The following ZNF385D variants were observed in gnomAD, a reference collection of about 807,000 sequenced individuals.
The protein encoded by ZNF385D is zinc finger protein 385D, also known as zinc finger protein 659.
Under a neutral mutation model 35.8 loss-of-function variants are expected in ZNF385D, and 15 were observed. The observed-to-expected ratio is 0.42, with a 90% CI of 0.28 to 0.64. ZNF385D has a LOEUF of 0.64. ZNF385D is among the 30% of genes least tolerant of loss of function. The probability of loss-of-function intolerance (pLI) is 0.23; values close to 1 mark genes in which losing one functional copy is unlikely to be tolerated. For synonymous variants in ZNF385D, 212 were observed against 186.8 expected (o/e 1.13, Z -1.10); for missense variants, 474 against 494.6 (o/e 0.96, Z 0.39).
chr3:21,498,484 G>T (rs1441815827), intron 4 of ZNF385D, among the ~76,000 whole-genome samples: 2 of 152,062 alleles, frequency 1.3e-5, no homozygotes, highest in African/African-American at 4.8e-5. Context: ...CTGCTATCTA[G>T]AATCTATAAG....
chr3:22,117,607 A>G (rs952742483), intron 3 of ZNF385D, among the ~76,000 whole-genome samples: 2 of 151,950 alleles, frequency 1.3e-5, no homozygotes, highest in Admixed American at 1.3e-4. Context: ...ATATTCTTTT[A>G]ACTTTAAATT....
intron 2 of ZNF385D, among the ~76,000 whole-genome samples, chr3:21,617,907 A>G (rs2064894744): frequency 6.6e-6 from 1 of 152,162 alleles, no homozygotes; most frequent in Non-Finnish European, 1.5e-5. Flanking sequence ...TGTAGCTGAC[A>G]AACCCTTAAA....
At chr3:22,263,883 T>A (rs1043972631) in intron 2 of ZNF385D, among the ~76,000 whole-genome samples, 2 of 151,898 alleles carry the variant, frequency 1.3e-5, no homozygotes, top group African/African-American at 4.8e-5. Flanking sequence ...ATGCAAAAAA[T>A]AATTTACTGA....
intron 2 of ZNF385D, among the ~76,000 whole-genome samples, chr3:22,310,581 C>G (rs1703484201): frequency 1.3e-5 from 2 of 151,866 alleles, no homozygotes; most frequent in South Asian, 4.1e-4. Flanking sequence ...GAATTATTAA[C>G]TCAAATAAAA....
intron 2 of ZNF385D, among the ~76,000 whole-genome samples, chr3:22,188,334 C>T (rs187364188): frequency 6.6e-6 from 1 of 152,250 alleles, no homozygotes; most frequent in African/African-American, 2.4e-5. Flanking sequence ...CGTGCTAAAT[C>T]CTACCTATAA....
chr3:21,901,588 C>G (rs1384097628), intron 3 of ZNF385D, among the ~76,000 whole-genome samples: 1 of 152,150 alleles, frequency 6.6e-6, no homozygotes, highest in Non-Finnish European at 1.5e-5. Flanking sequence ...TTAATCCTCA[C>G]AGCAATCTAA....
intron 3 of ZNF385D, among the ~76,000 whole-genome samples, chr3:21,558,005 T>C (rs752568977): frequency 2.6e-5 from 4 of 152,194 alleles, no homozygotes; most frequent in African/African-American, 9.7e-5. Context: ...GATACCCCTT[T>C]ATCATTTTTT....
intron 2 of ZNF385D, among the ~76,000 whole-genome samples, chr3:21,593,318 C>T (rs2064036220): frequency 6.6e-6 from 1 of 152,140 alleles, no homozygotes; most frequent in East Asian, 1.9e-4. Context: ...GTTATTCTAC[C>T]TCCCAATCCA....
intron 3 of ZNF385D, among the ~76,000 whole-genome samples, chr3:22,105,898 G>C (rs1193522094): frequency 6.6e-6 from 1 of 151,550 alleles, no homozygotes; most frequent in Non-Finnish European, 1.5e-5. Context: ...TAATATAGTA[G>C]TTATTTTTAA....
intron 3 of ZNF385D, among the ~76,000 whole-genome samples, chr3:22,159,413 A>C (rs1163652681): frequency 1.3e-5 from 2 of 148,994 alleles, no homozygotes; most frequent in Non-Finnish European, 2.9e-5. Flanking sequence ...TCTTGGACAG[A>C]GTAACCTATT....
intron 3 of ZNF385D, among the ~76,000 whole-genome samples, chr3:21,804,825 AAT>A (rs1321510452): frequency 1.3e-5 from 2 of 151,136 alleles, no homozygotes; most frequent in African/African-American, 4.9e-5. Context: ...AAGGCTATTT[AAT>A]ATGTTGTTTC....
chr3:21,901,453 A>G (rs1416323823), intron 3 of ZNF385D, among the ~76,000 whole-genome samples: 1 of 152,178 alleles, frequency 6.6e-6, no homozygotes, highest in Non-Finnish European at 1.5e-5. Context: ...CAACATACAC[A>G]TTAGGCAATA....
At chr3:22,120,100 G>C (rs1703012269) in intron 3 of ZNF385D, among the ~76,000 whole-genome samples, 1 of 151,322 alleles carries the variant, frequency 6.6e-6, no homozygotes, top group Admixed American at 6.6e-5. Context: ...AAAGTACTAG[G>C]ATTACAGGTG....
intron 2 of ZNF385D, among the ~76,000 whole-genome samples, chr3:22,340,546 C>T (rs958376770): frequency 6.6e-6 from 1 of 151,938 alleles, no homozygotes; most frequent in African/African-American, 2.4e-5. Flanking sequence ...CTTGGGAAGC[C>T]GAGGCAGGAG....
chr3:22,127,342 TTTTTTTTTTTTTTTTG>T, intron 3 of ZNF385D, among the ~76,000 whole-genome samples: 1 of 78,808 alleles, frequency 1.3e-5, no homozygotes, highest in African/African-American at 4.7e-5. Flanking sequence ...TTTTTTTTTT[TTTTTTTTTTTTTTTTG>T]AGACAGAGTC....
chr3:21,950,379 G>A (rs4420894), intron 3 of ZNF385D, among the ~76,000 whole-genome samples: 39,866 of 151,498 alleles, frequency 0.26, 6,321 homozygotes, highest in Admixed American at 0.42. Flanking sequence ...CTTCATATCC[G>A]TTGCCCACTT....
intron 3 of ZNF385D, among the ~76,000 whole-genome samples, chr3:21,921,578 G>A (rs1196417165): frequency 1.3e-5 from 2 of 151,978 alleles, no homozygotes; most frequent in Admixed American, 6.6e-5. Context: ...AAAAAGGCAG[G>A]ATTTTTTATT....
chr3:22,200,198 T>C (rs1021427322), intron 2 of ZNF385D, among the ~76,000 whole-genome samples: 1 of 152,082 alleles, frequency 6.6e-6, no homozygotes, highest in Non-Finnish European at 1.5e-5. Flanking sequence ...AATTCACTTT[T>C]CATTAAACTT....
At chr3:22,371,992 C>G (rs1210017303) in intron 2 of ZNF385D, among the ~76,000 whole-genome samples, 1 of 152,086 alleles carries the variant, frequency 6.6e-6, no homozygotes, top group Non-Finnish European at 1.5e-5. Context: ...TTTCTTTATC[C>G]CAACAACTTC....
Sources: gnomAD v4.1 joint callset for allele counts (sites outside exome capture counted in the v4.1 genomes callset) on GRCh38, gnomAD v4.1.1 for gene constraint, MANE v1.5 for transcripts, NCBI Gene and HGNC (gene_info 2026-07-23, HGNC 2026-07-21) for gene names.